The following GCFC2 variants were observed in gnomAD, a reference collection of about 807,000 sequenced individuals.
GCFC2 encodes intron Large complex component GCFC2.
GCFC2 carries 102 observed loss-of-function variants against 99.4 expected under a neutral mutation model. That is an observed-to-expected ratio of 1.03 (90% CI 0.87 to 1.21). The LOEUF (loss-of-function observed/expected upper bound fraction) is 1.21. GCFC2 is among the 50% of genes most tolerant of loss of function. The pLI is 0.00. For missense variants in GCFC2, 973 were observed against 920.9 expected, an observed-to-expected ratio of 1.06 and a Z score of -0.73; for synonymous variants, 338 against 316.8, an observed-to-expected ratio of 1.07 and a Z score of -0.71.
rs1196497006 is a variant in GCFC2, at chr2:75,680,645, C to G, written c.1691-331G>C. Among the ~76,000 whole-genome samples the G allele has an allele frequency of 3.3e-5, 5 of 152,144 alleles. No individual in the cohort carries two copies. In the South Asian group the frequency reaches 1.0e-3, roughly 32 times the overall value. On this transcript the variant is annotated intron_variant, in intron 11 of 16. Coordinates refer to ENST00000321027, the MANE Select transcript of GCFC2 (RefSeq NM_003203.5). The stretch of plus-strand genomic sequence containing the variant: ...AACTTGAGTGAGCCTCTCTCTCTCT[C>G]TGTCTCTCAGGTCCATTCACTCTCC...
At chr2:75,684,209 A>G (rs1168384536) in intron 11 of GCFC2, among the ~76,000 whole-genome samples, 1 of 152,210 alleles carries the variant, frequency 6.6e-6, no homozygotes, top group East Asian at 1.9e-4. Flanking sequence ...CTTATTCTAA[A>G]ACTGACCACA....
chr2:75,669,146 G>A (rs1300534071), intron 15 of GCFC2, among the ~76,000 whole-genome samples: 1 of 151,940 alleles, frequency 6.6e-6, no homozygotes, highest in Non-Finnish European at 1.5e-5. Context: ...CTTTACTGTT[G>A]CACGTGTTTT....
intron 9 of GCFC2, 132 bp downstream of exon 9, chr2:75,689,837 A>G (rs1679981548): frequency 1.7e-6 from 1 of 594,194 alleles, no homozygotes; most frequent in Non-Finnish European, 3.0e-6. Context: ...CAGAGGAAAA[A>G]TGTGTTTCAT....
In GCFC2 at chr2:75,694,839, A is replaced by C. The variant is rs576024276; in HGVS notation, c.834-412T>G. On this transcript the variant is annotated intron_variant, in intron 5 of 16. Coordinates refer to ENST00000321027, the MANE Select transcript of GCFC2 (RefSeq NM_003203.5). The stretch of plus-strand genomic sequence containing the variant: ...ATATAATGTCCTTTTTTGTATAAAA[A>C]CGGGAATATATAAGTATACATGTGC... Among the ~76,000 whole-genome samples the C allele has an allele frequency of 3.3e-5, 5 of 152,218 alleles. No homozygotes were observed. In the East Asian group the frequency reaches 7.7e-4, roughly 24 times the overall value.
rs1432542089 is a variant in GCFC2, at chr2:75,663,561, A to G, written c.*1105T>C. ...TGACTTAATGCTTCAAAAAACATCA[A>G]CAAATTTAAAAGAAAGGCCAAACAT... On this transcript the variant is annotated 3_prime_UTR_variant, in exon 17 of 17. Coordinates refer to ENST00000321027, the MANE Select transcript of GCFC2 (RefSeq NM_003203.5). The G allele has an allele frequency of 6.6e-6, 1 of 152,182 alleles. No homozygotes were observed. The highest frequency in any genetic ancestry group is 2.4e-5 in the African/African-American group (1 of 41,446). The allele number at this position is 152,182 out of a possible 1,614,324, so 9.4% of individuals were successfully genotyped here. A position where few individuals can be genotyped will look rare whatever the true frequency, so the allele number is the denominator to read the frequency against.
intron 15 of GCFC2, among the ~76,000 whole-genome samples, chr2:75,666,948 C>G (rs1262059470): frequency 6.6e-6 from 1 of 152,106 alleles, no homozygotes; most frequent in Non-Finnish European, 1.5e-5. Context: ...AAGCTCCGTG[C>G]TACGTGTGGG....
Position 75,680,404 on chromosome 2 carries a change from C to T in GCFC2, c.1691-90G>A, listed in dbSNP as rs1030718397. On this transcript the variant is annotated intron_variant, in intron 11 of 16. Transcript: ENST00000321027. ...TAATCAAGACCTTTAACAAACACTA[C>T]TTCCCTCCTTATTCAGTTTAAGTTC... 1.7e-5 allele frequency: 17 copies of T among 976,062 alleles called. No individual in the cohort carries two copies. The African/African-American group carries it at 2.3e-4, about 13-fold the overall frequency. The allele number at this position is 976,062 out of a possible 1,614,324, so 60.5% of individuals were successfully genotyped here.
At position 75,687,905 on chromosome 2, in the gene GCFC2, C is replaced by A; in HGVS notation, c.1612G>T (p.Asp538Tyr). The A allele has an allele frequency of 6.2e-7, 1 of 1,602,100 alleles. No homozygotes were observed. The highest frequency in any genetic ancestry group is 8.5e-7 in the Non-Finnish European group (1 of 1,170,108). The part of the protein sequence containing the change: ...VEEFMDSSVE[D>Y]SKKESSSDKK... Reference sequence around the variant, plus strand: ...TCTGAACTACTTTCCTTCTTTGAATCTTCCACACTGCTATCCATAAATTCT... The same window carrying A: ...TCTGAACTACTTTCCTTCTTTGAATATTCCACACTGCTATCCATAAATTCT... The change falls in exon 11 of 17, where the codon GAT becomes TAT. Residue 538 changes from aspartate to tyrosine, a missense_variant. Physicochemically the swap from Asp to Tyr is radical, Grantham distance 160. Coordinates refer to ENST00000321027, the MANE Select transcript of GCFC2 (RefSeq NM_003203.5).
chr2:75,670,266 G>C lies in GCFC2; in HGVS notation c.1975C>G (p.Leu659Val). 6.2e-7 allele frequency: 1 copy of C among 1,604,120 alleles called. No homozygotes were observed. The highest frequency in any genetic ancestry group is 8.5e-7 in the Non-Finnish European group (1 of 1,171,440). The change falls in exon 15 of 17, where the codon CTT becomes GTT. Residue 659 changes from leucine (L) to valine (V), a missense_variant. Physicochemically the swap from Leu to Val is conservative, Grantham distance 32 (BLOSUM62 1). Transcript: ENST00000321027. Reference protein sequence around the residue: ...SGLKLFRNILLWNGLLTDDTL... With the variant: ...SGLKLFRNILVWNGLLTDDTL... ...TCATCTGTAAGGAGTCCATTCCAAAGAAGAATATTGCGGAAGAGCTAAAAT... is the reference window on the plus strand; with the variant it reads ...TCATCTGTAAGGAGTCCATTCCAAACAAGAATATTGCGGAAGAGCTAAAAT...
Position 75,707,794 on chromosome 2 carries a change from A to T in GCFC2, c.266-1143T>A, listed in dbSNP as rs1331778507. Among the ~76,000 whole-genome samples the T allele has an allele frequency of 2.6e-5, 4 of 152,216 alleles. No homozygotes were observed. The East Asian group carries it at 7.7e-4, about 29-fold the overall frequency. Reference sequence around the variant, plus strand: ...CATGTTGATATTTATATAATGAAGTAAAGGCAGTGATGGGTAAAACTGCTA... The same window carrying T: ...CATGTTGATATTTATATAATGAAGTTAAGGCAGTGATGGGTAAAACTGCTA... On this transcript the variant is annotated intron_variant, in intron 1 of 16. Transcript: ENST00000321027.
chr2:75,691,927 T>A (rs763563539), intron 7 of GCFC2, 50 bp downstream of exon 7: 2 of 1,017,204 alleles, frequency 2.0e-6, no homozygotes, highest in East Asian at 3.1e-5. Flanking sequence ...ATTCTTCACA[T>A]AATTTAGCTT....
intron 2 of GCFC2, among the ~76,000 whole-genome samples, chr2:75,702,922 C>G (rs4853170): frequency 0.5 from 75,781 of 151,970 alleles, 20,445 homozygotes; most frequent in African/African-American, 0.73. Flanking sequence ...CAAGAAATCA[C>G]AAACATACTA....
At chr2:75,711,214 T>A, upstream of GCFC2, 2 of 985,280 alleles carry the variant, frequency 2.0e-6, no homozygotes, top group Non-Finnish European at 2.4e-6. Context: ...ATGCTTTCCG[T>A]CCTGGACTGG....
chr2:75,668,796 T>C, intron 15 of GCFC2, among the ~76,000 whole-genome samples: 1 of 152,196 alleles, frequency 6.6e-6, no homozygotes. Context: ...TTAACTTACT[T>C]TGGCTAAGTC....
At chr2:75,699,828 T>A (rs1336307812) in intron 4 of GCFC2, among the ~76,000 whole-genome samples, 1 of 151,946 alleles carries the variant, frequency 6.6e-6, no homozygotes, top group African/African-American at 2.4e-5. Context: ...CCTTCCACCT[T>A]GGCCTTCCGA....
intron 11 of GCFC2, among the ~76,000 whole-genome samples, chr2:75,685,021 AT>A (rs1679747705): frequency 6.6e-6 from 1 of 152,130 alleles, no homozygotes; most frequent in East Asian, 1.9e-4. Flanking sequence ...ATGAGAACAC[AT>A]GGACAGGGAG....
At chr2:75,688,019 C>A (rs1252419532) in intron 10 of GCFC2, 42 bp from the exon 11 acceptor site, 5 of 1,209,544 alleles carry the variant, frequency 4.1e-6, no homozygotes, top group Non-Finnish European at 4.7e-6. Context: ...AATCTTTCAA[C>A]ATTAGTGTAT....
At chr2:75,683,391 T>C (rs1001342183) in intron 11 of GCFC2, among the ~76,000 whole-genome samples, 2 of 151,750 alleles carry the variant, frequency 1.3e-5, no homozygotes, top group Admixed American at 1.3e-4. Flanking sequence ...GACAAGCAAA[T>C]GCTGAGAGAT....
At chr2:75,687,594 C>T (rs941704170) in intron 11 of GCFC2, among the ~76,000 whole-genome samples, 6 of 152,062 alleles carry the variant, frequency 3.9e-5, no homozygotes, top group South Asian at 2.1e-4. Context: ...GCTGATGATA[C>T]GTCAGATGAG....
Sources: allele counts gnomAD v4.1 joint callset (sites outside exome capture counted in the v4.1 genomes callset), GRCh38; gene constraint gnomAD v4.1.1; transcripts MANE v1.5; gene names NCBI Gene and HGNC (gene_info 2026-07-23, HGNC 2026-07-21).